SYNPO2: variants seen among roughly 807,000 people sequenced by gnomAD.
The protein encoded by SYNPO2 is synaptopodin 2, also known as synaptopodin-2.
SYNPO2 carries 56 observed loss-of-function variants against 85.0 expected under a neutral mutation model. The observed-to-expected ratio is 0.66, with a 90% CI of 0.53 to 0.82. The LOEUF is 0.82. Ranked by LOEUF, SYNPO2 falls within the 40% of genes least tolerant of loss-of-function variation. The pLI is 0.00. For synonymous variants in SYNPO2, 602 were observed against 591.1 expected (o/e 1.02, Z -0.27); for missense variants, 1,575 against 1,534.2 (o/e 1.03, Z -0.44).
At chr4:118,926,055 G>A (rs189239651) in intron 1 of SYNPO2, among the ~76,000 whole-genome samples, 73 of 152,294 alleles carry the variant, frequency 4.8e-4, no homozygotes, top group Middle Eastern at 3.4e-3. Flanking sequence ...AGATGAGTAG[G>A]AGAAATATGG....
At chr4:118,991,499 A>G (rs1446935478) in intron 1 of SYNPO2, among the ~76,000 whole-genome samples, 2 of 152,184 alleles carry the variant, frequency 1.3e-5, no homozygotes, top group African/African-American at 2.4e-5. Flanking sequence ...ACTGCTCATT[A>G]TAACTACCAG....
At chr4:118,976,307 A>G (rs947996929) in intron 1 of SYNPO2, among the ~76,000 whole-genome samples, 1 of 152,080 alleles carries the variant, frequency 6.6e-6, no homozygotes, top group Non-Finnish European at 1.5e-5. Flanking sequence ...GTCTGGAGTT[A>G]TTCATTCCTC....
intron 1 of SYNPO2, among the ~76,000 whole-genome samples, chr4:118,861,177 T>C (rs1328626835): frequency 2.0e-5 from 3 of 152,276 alleles, no homozygotes; most frequent in Non-Finnish European, 4.4e-5. Flanking sequence ...CTTAGTTTTT[T>C]TGAGATGGAG....
intron 1 of SYNPO2, among the ~76,000 whole-genome samples, chr4:118,852,521 A>G (rs1335561272): frequency 6.6e-6 from 1 of 152,258 alleles, no homozygotes; most frequent in Non-Finnish European, 1.5e-5. Flanking sequence ...CATATACACC[A>G]TGGAATACTA....
At chr4:118,920,710 AT>A (rs1326305883) in intron 1 of SYNPO2, among the ~76,000 whole-genome samples, 4 of 152,150 alleles carry the variant, frequency 2.6e-5, no homozygotes, top group Non-Finnish European at 5.9e-5. Flanking sequence ...TATTGGAACA[AT>A]TTTGCTGAGG....
intron 1 of SYNPO2, among the ~76,000 whole-genome samples, chr4:118,900,703 C>CTCTCTCTCTCTCTATATATATATA (rs1277981772): frequency 2.3e-4 from 10 of 43,892 alleles, no homozygotes; most frequent in African/African-American, 3.9e-4. Context: ...CTCTCTCTCT[C>CTCTCTCTCTCTCTATATATATATA]TATATATATA....
chr4:119,027,663 A>G (rs1305860181), intron 3 of SYNPO2, among the ~76,000 whole-genome samples: 2 of 152,196 alleles, frequency 1.3e-5, no homozygotes, highest in African/African-American at 4.8e-5. Context: ...TTTTTCATGA[A>G]TTTCTTTTTA....
chr4:118,957,830 C>T (rs1734932682), intron 1 of SYNPO2, among the ~76,000 whole-genome samples: 1 of 152,152 alleles, frequency 6.6e-6, no homozygotes, highest in South Asian at 2.1e-4. Flanking sequence ...AGAGAGAGGG[C>T]CTTAGAGAGA....
chr4:119,026,720 C>T lies in SYNPO2; in HGVS notation c.351C>T (p.Thr117=), dbSNP rs1054543231. The change falls in exon 3 of 5, where the codon ACC becomes ACT. Residue 117 remains threonine (T), a synonymous_variant. Transcript: ENST00000307142. ...ATGGGGGTTATGTGGAAAGTACCAC[C>T]CTGCAGATTCGACCGGCCACAAAGA... is the stretch of plus-strand genomic sequence containing the variant. ...LTHGGYVEST[T]LQIRPATKTQ... is the part of the protein sequence containing the mutation. 1.2e-6 allele frequency: 2 copies of T among 1,614,110 alleles called. No homozygotes were observed. Among genetic ancestry groups the T allele is most frequent in the Non-Finnish European group, 8.5e-7 (1 of 1,180,006 alleles).
At chr4:118,995,994 G>T (rs371606108) in intron 1 of SYNPO2, among the ~76,000 whole-genome samples, 1 of 151,666 alleles carries the variant, frequency 6.6e-6, no homozygotes, top group African/African-American at 2.4e-5. Context: ...AACACAATCC[G>T]ATCCAGGCTC....
intron 1 of SYNPO2, among the ~76,000 whole-genome samples, chr4:118,998,513 C>G (rs931457184): frequency 6.6e-6 from 1 of 152,166 alleles, no homozygotes; most frequent in African/African-American, 2.4e-5. Context: ...TTAAAACAGG[C>G]AAGTTTACAT....
chr4:118,998,423 G>T (rs1415182260), intron 1 of SYNPO2, among the ~76,000 whole-genome samples: 1 of 152,162 alleles, frequency 6.6e-6, no homozygotes, highest in African/African-American at 2.4e-5. Flanking sequence ...TGTGTCTGAT[G>T]ATGAGAAAAT....
intron 1 of SYNPO2, among the ~76,000 whole-genome samples, chr4:118,999,947 G>A (rs1736765037): frequency 6.6e-6 from 1 of 152,180 alleles, no homozygotes; most frequent in South Asian, 2.1e-4. Context: ...GAAGAAGCTG[G>A]CAAAAGAAAA....
chr4:118,852,923 A>G (rs1162410427), intron 1 of SYNPO2, among the ~76,000 whole-genome samples: 2 of 152,220 alleles, frequency 1.3e-5, no homozygotes, highest in African/African-American at 2.4e-5. Flanking sequence ...AAATGTTGAC[A>G]TGTTTCATTA....
At chr4:119,000,983 G>C (rs1736802574) in intron 1 of SYNPO2, among the ~76,000 whole-genome samples, 1 of 152,200 alleles carries the variant, frequency 6.6e-6, no homozygotes, top group African/African-American at 2.4e-5. Context: ...GTGAAGTGAA[G>C]TTATATTTGA....
At chr4:119,041,785 TTTCCACTTTTTG>T (rs1240701452) in intron 4 of SYNPO2, among the ~76,000 whole-genome samples, 3 of 152,232 alleles carry the variant, frequency 2.0e-5, no homozygotes, top group African/African-American at 7.2e-5. Context: ...AACATATAGC[TTTCCACTTTTTG>T]TTCCTAGTGT....
chr4:118,852,785 AG>A (rs1731442387), intron 1 of SYNPO2, among the ~76,000 whole-genome samples: 1 of 152,182 alleles, frequency 6.6e-6, no homozygotes, highest in South Asian at 2.1e-4. Context: ...TTAATACCGG[AG>A]TGACAAAATA....
At chr4:119,007,253 C>T (rs13133550) in intron 1 of SYNPO2, among the ~76,000 whole-genome samples, 2,196 of 36,122 alleles carry the variant, frequency 0.061, 67 homozygotes, top group Middle Eastern at 0.1. Flanking sequence ...TATGTATATA[C>T]ATATATATAT....
chr4:118,945,640 A>G (rs1204787196), intron 1 of SYNPO2, among the ~76,000 whole-genome samples: 1 of 152,168 alleles, frequency 6.6e-6, no homozygotes, highest in African/African-American at 2.4e-5. Context: ...CCTACCTCAA[A>G]ACTAGGGTAC....
Sources: allele counts gnomAD v4.1 joint callset (sites outside exome capture counted in the v4.1 genomes callset), GRCh38; gene constraint gnomAD v4.1.1; transcripts MANE v1.5; gene names NCBI Gene and HGNC (gene_info 2026-07-23, HGNC 2026-07-21).